The following ADGRL3 variants were observed in gnomAD, a reference collection of about 807,000 sequenced individuals.
ADGRL3 encodes adhesion G protein-coupled receptor L3, also known as calcium-independent alpha-latrotoxin receptor 3.
A neutral mutation model predicts 153.5 loss-of-function variants in ADGRL3; 62 were observed. The observed-to-expected ratio is 0.40, with a 90% CI of 0.33 to 0.50. The LOEUF is 0.50. ADGRL3 is among the 20% of genes least tolerant of loss of function. The pLI, the probability that ADGRL3 is intolerant of heterozygous loss-of-function variation, is 0.47. For missense variants in ADGRL3, 1,641 were observed against 1,859.4 expected (o/e 0.88, Z 2.16); for synonymous variants, 710 against 672.5 (o/e 1.06, Z -0.86).
At chr4:61,486,141 T>C (rs988719804) in intron 2 of ADGRL3, among the ~76,000 whole-genome samples, 1 of 152,066 alleles carries the variant, frequency 6.6e-6, no homozygotes, top group Non-Finnish European at 1.5e-5. Flanking sequence ...AGACGGAGTT[T>C]CACTGTGTTA....
intron 5 of ADGRL3, among the ~76,000 whole-genome samples, chr4:61,632,982 A>G (rs1240610364): frequency 5.3e-5 from 8 of 152,182 alleles, no homozygotes; most frequent in Admixed American, 3.9e-4. Context: ...ATATTTGAAA[A>G]CTATTTCACA....
rs540052954 is a variant in ADGRL3, at chr4:61,836,768, T to G, written c.1480+22879T>G. 8.5e-5 allele frequency among the ~76,000 whole-genome samples: 13 copies of G among 152,218 alleles called. No homozygotes were observed. The South Asian group carries it at 2.7e-3, about 32-fold the overall frequency. On this transcript the variant is annotated intron_variant, in intron 9 of 26. Transcript: ENST00000683033. Reference sequence around the variant, plus strand: ...TATATGTTCTTGATTAGGAAAAAATTGATAAATGGTTTCCATTTATTCCGT... The same window carrying G: ...TATATGTTCTTGATTAGGAAAAAATGGATAAATGGTTTCCATTTATTCCGT...
At chr4:61,678,511 C>T (rs1410709997) in intron 6 of ADGRL3, among the ~76,000 whole-genome samples, 3 of 152,052 alleles carry the variant, frequency 2.0e-5, no homozygotes, top group African/African-American at 7.2e-5. Flanking sequence ...GAAATATCAT[C>T]TACTTAAATC....
intron 6 of ADGRL3, among the ~76,000 whole-genome samples, chr4:61,702,058 A>G (rs1197096915): frequency 6.6e-6 from 1 of 152,196 alleles, no homozygotes; most frequent in Non-Finnish European, 1.5e-5. Flanking sequence ...TGTTAGAATT[A>G]CTGAGGAAGG....
intron 1 of ADGRL3, among the ~76,000 whole-genome samples, chr4:61,358,763 C>A (rs1364915162): frequency 1.3e-5 from 2 of 152,050 alleles, no homozygotes; most frequent in Non-Finnish European, 2.9e-5. Flanking sequence ...TTTGGAGATT[C>A]CCAAATCTCC....
chr4:61,919,267 A>G (rs993145555), intron 13 of ADGRL3, among the ~76,000 whole-genome samples: 2 of 152,164 alleles, frequency 1.3e-5, no homozygotes, highest in Non-Finnish European at 2.9e-5. Context: ...AGCCAACCCA[A>G]ACTTTCATTT....
rs536661752 is a variant in ADGRL3, at chr4:61,866,978, C to CG, written c.1481-25677dup. Reference sequence around the variant, plus strand: ...AGCACAGTAAAGATTATGCACAGACCGTATAAGGATTATATTGACTTTGTG... The same window carrying CG: ...AGCACAGTAAAGATTATGCACAGACCGGTATAAGGATTATATTGACTTTGTG... On this transcript the variant is annotated intron_variant, in intron 9 of 26. Coordinates refer to ENST00000683033, the MANE Select transcript of ADGRL3 (RefSeq NM_001387552.1). 3.9e-4 allele frequency among the ~76,000 whole-genome samples: 59 copies of CG among 152,090 alleles called. 2 individuals carry two copies. Among genetic ancestry groups the CG allele is most frequent in the Admixed American group, 3.5e-3 (54 of 15,280 alleles).
At chr4:61,237,302 A>G (rs565518465) in intron 1 of ADGRL3, among the ~76,000 whole-genome samples, 144 of 152,336 alleles carry the variant, frequency 9.5e-4, no homozygotes, top group Non-Finnish European at 1.7e-3. Flanking sequence ...TTATCCATAC[A>G]TAAGTGACAA....
At chr4:61,952,950 C>G (rs1389774416) in intron 17 of ADGRL3, among the ~76,000 whole-genome samples, 1 of 152,162 alleles carries the variant, frequency 6.6e-6, no homozygotes, top group Non-Finnish European at 1.5e-5. Flanking sequence ...TTTCCTTTAG[C>G]AGTCAATCAC....
chr4:61,924,646 C>A (rs1581483458), intron 13 of ADGRL3, among the ~76,000 whole-genome samples: 2 of 152,256 alleles, frequency 1.3e-5, no homozygotes, highest in East Asian at 3.9e-4. Context: ...CAAACACATG[C>A]CGTTTTAAGG....
At chr4:61,323,646 A>C in intron 1 of ADGRL3, among the ~76,000 whole-genome samples, 1 of 152,262 alleles carries the variant, frequency 6.6e-6, no homozygotes, top group East Asian at 1.9e-4. Flanking sequence ...CCAGTTCCCA[A>C]GTTCCTCATC....
At chr4:62,035,708 A>G (rs916086663) in intron 23 of ADGRL3, among the ~76,000 whole-genome samples, 1 of 152,152 alleles carries the variant, frequency 6.6e-6, no homozygotes, top group Non-Finnish European at 1.5e-5. Flanking sequence ...TTAGTAATAT[A>G]CAATGCCTGT....
intron 6 of ADGRL3, among the ~76,000 whole-genome samples, chr4:61,690,466 A>G (rs181349209): frequency 8.0e-4 from 122 of 152,170 alleles, no homozygotes; most frequent in Non-Finnish European, 1.4e-3. Flanking sequence ...TTAAAAAACA[A>G]TCAAAGGAAA....
At chr4:61,390,611 T>C (rs1021491610) in intron 2 of ADGRL3, among the ~76,000 whole-genome samples, 12 of 152,204 alleles carry the variant, frequency 7.9e-5, no homozygotes, top group African/African-American at 2.9e-4. Context: ...TTGTAAATAT[T>C]TGATGAATTA....
In ADGRL3 at chr4:61,767,416, A is replaced by G. The variant is rs373593668; in HGVS notation, c.1399+33862A>G. Among the ~76,000 whole-genome samples, 262 of 152,018 alleles carry G rather than the reference A, an allele frequency of 1.7e-3. 2 individuals are homozygous for G. Among genetic ancestry groups the G allele is most frequent in the African/African-American group, 4.7e-3 (193 of 41,376 alleles). On this transcript the variant is annotated intron_variant, in intron 8 of 26. Transcript: ENST00000683033. ...ACAGTTATGGAGGCAAGGGAAACAG[A>G]CCCTTGAAAAGAACGTAATGTGGAG...
rs80097606 is a variant in ADGRL3, at chr4:61,689,233, C to T, written c.583+12298C>T. Among the ~76,000 whole-genome samples, 753 of 152,228 alleles carry T rather than the reference C, an allele frequency of 4.9e-3. 3 individuals carry two copies. Among genetic ancestry groups the T allele is most frequent in the African/African-American group, 0.017 (691 of 41,550 alleles). On this transcript the variant is annotated intron_variant, in intron 6 of 26. Coordinates refer to ENST00000683033, the MANE Select transcript of ADGRL3 (RefSeq NM_001387552.1). ...CTAGTTGATTTCCCTCCAGGCCCAG[C>T]TCTCCTCATATATAACAAGCCTCTC...
At chr4:61,601,784 G>A (rs964483978) in intron 5 of ADGRL3, among the ~76,000 whole-genome samples, 9 of 152,108 alleles carry the variant, frequency 5.9e-5, no homozygotes, top group African/African-American at 1.7e-4. Flanking sequence ...ATTTTCAGAG[G>A]TTCATGGAGA....
At chr4:61,300,756 T>TTTTC (rs1313862895) in intron 1 of ADGRL3, among the ~76,000 whole-genome samples, 1 of 127,790 alleles carries the variant, frequency 7.8e-6, no homozygotes, top group Non-Finnish European at 1.6e-5. Context: ...TTTTGTTTTC[T>TTTTC]TTTCTTTCTT....
chr4:61,372,548 AG>A (rs1416783933), intron 1 of ADGRL3, among the ~76,000 whole-genome samples: 4 of 152,210 alleles, frequency 2.6e-5, no homozygotes, highest in African/African-American at 9.7e-5. Flanking sequence ...CTCGGGGGTC[AG>A]GGGTCAGCGA....
Sources: gnomAD v4.1 joint callset for allele counts (sites outside exome capture counted in the v4.1 genomes callset) on GRCh38, gnomAD v4.1.1 for gene constraint, MANE v1.5 for transcripts, NCBI Gene and HGNC (gene_info 2026-07-23, HGNC 2026-07-21) for gene names.